The following WAPL variants were observed in gnomAD, a reference collection of about 807,000 sequenced individuals.
WAPL encodes wings apart-like protein homolog.
In WAPL, 5 loss-of-function variants were observed where a neutral mutation model predicts 121.0. The observed-to-expected ratio is 0.04, with a 90% CI of 0.02 to 0.09. The LOEUF (loss-of-function observed/expected upper bound fraction) is 0.09. Ranked by LOEUF, WAPL falls within the 10% of genes least tolerant of loss-of-function variation. WAPL has a pLI of 1.00. For synonymous variants in WAPL, 480 were observed against 481.5 expected (o/e 1.00, Z 0.04); for missense variants, 999 against 1,410.8 (o/e 0.71, Z 4.68).
intron 8 of WAPL, among the ~76,000 whole-genome samples, chr10:86,468,826 C>T (rs892642763): frequency 6.6e-6 from 1 of 151,890 alleles, no homozygotes; most frequent in African/African-American, 2.4e-5. Context: ...TTAGGCCGGG[C>T]GCAGTGGCTC....
At chr10:86,495,810 A>T (rs1842138396) in intron 4 of WAPL, among the ~76,000 whole-genome samples, 1 of 152,084 alleles carries the variant, frequency 6.6e-6, no homozygotes. Flanking sequence ...AAACAAAAAA[A>T]CTCAATTCAA....
intron 17 of WAPL, among the ~76,000 whole-genome samples, chr10:86,442,090 G>A (rs1177534669): frequency 6.6e-6 from 1 of 152,074 alleles, no homozygotes; most frequent in Non-Finnish European, 1.5e-5. Flanking sequence ...GCAGTGGCAC[G>A]ATCTTGGCTC....
chr10:86,455,312 G>A (rs1349921113), intron 12 of WAPL, among the ~76,000 whole-genome samples: 3 of 151,632 alleles, frequency 2.0e-5, no homozygotes, highest in Non-Finnish European at 2.9e-5. Flanking sequence ...GTAGACATAG[G>A]AGACTCCATT....
chr10:86,516,838 C>A (rs1235749166), intron 2 of WAPL, among the ~76,000 whole-genome samples: 3 of 152,084 alleles, frequency 2.0e-5, no homozygotes, highest in Non-Finnish European at 4.4e-5. Context: ...GTAATCCCAG[C>A]ACTTTGGGAG....
At chr10:86,443,598 T>C in intron 16 of WAPL, 1 of 447,478 alleles carries the variant, frequency 2.2e-6, no homozygotes, top group East Asian at 3.5e-5. Flanking sequence ...AAGGACACAA[T>C]TAACAAACTG....
rs1849292196 is a variant in WAPL at position 86,435,340 on chromosome 10, T to C, written c.*2203A>G. The C allele has an allele frequency of 6.6e-6, 1 of 152,634 alleles. No homozygotes were observed. Among genetic ancestry groups the C allele is most frequent in the Non-Finnish European group, 1.5e-5 (1 of 68,040 alleles). 9.5% of individuals were successfully genotyped at this position (152,634 alleles called of 1,614,324 possible). ...CTTCATGAAACTGGTACAAACTATT[T>C]TTTCCTGCCGTTGGCTTTTGCTCCA... is the stretch of plus-strand genomic sequence containing the variant. On this transcript the variant is annotated 3_prime_UTR_variant, in exon 19 of 19. Transcript: ENST00000298767.
chr10:86,485,296 A>G (rs1344183680), intron 4 of WAPL, among the ~76,000 whole-genome samples: 1 of 152,096 alleles, frequency 6.6e-6, no homozygotes, highest in Non-Finnish European at 1.5e-5. Context: ...TAATCCCAGC[A>G]CATTGGGAGG....
intron 3 of WAPL, among the ~76,000 whole-genome samples, chr10:86,498,172 T>C (rs1217494494): frequency 2.0e-5 from 3 of 152,210 alleles, no homozygotes; most frequent in Admixed American, 1.3e-4. Flanking sequence ...CAGCCACAGA[T>C]TCTCAATTGC....
intron 15 of WAPL, among the ~76,000 whole-genome samples, chr10:86,449,648 C>A (rs968644244): frequency 2.0e-5 from 3 of 152,202 alleles, no homozygotes; most frequent in Non-Finnish European, 4.4e-5. Context: ...TGCAAATGAA[C>A]CCCTATTATG....
rs749885852 is a variant in WAPL at position 86,460,402 on chromosome 10, T to G, written c.2577A>C (p.Glu859Asp). The change falls in exon 11 of 19, where the codon GAA becomes GAC. Residue 859 changes from glutamate (E) to aspartate (D), a missense_variant. By Grantham distance (45) the Glu-to-Asp change is conservative. Transcript: ENST00000298767. ...WGAERCLRVL[E>D]SVTVHNPENQ... is the part of the protein sequence containing the mutation. ...CCAAATAGTCATCCATACTTACACTTTCTAAAACTCGTAAACATCTCTCTG... is the reference window on the plus strand; with the variant it reads ...CCAAATAGTCATCCATACTTACACTGTCTAAAACTCGTAAACATCTCTCTG... The G allele has an allele frequency of 6.2e-7, 1 of 1,613,526 alleles. No individual in the cohort carries two copies. Among genetic ancestry groups the G allele is most frequent in the Non-Finnish European group, 8.5e-7 (1 of 1,179,850 alleles).
intron 9 of WAPL, among the ~76,000 whole-genome samples, chr10:86,461,827 C>T (rs1022082826): frequency 6.6e-6 from 1 of 152,134 alleles, no homozygotes; most frequent in Non-Finnish European, 1.5e-5. Context: ...TACTATGAGA[C>T]TCCTGTTCAT....
chr10:86,491,973 C>T (rs75234855), intron 4 of WAPL, among the ~76,000 whole-genome samples: 2,117 of 152,250 alleles, frequency 0.014, 28 homozygotes, highest in Non-Finnish European at 0.021. Context: ...ATTTATTCAT[C>T]CTATGTAACT....
chr10:86,453,957 T>C, intron 12 of WAPL, 126 bp from the exon 13 acceptor site: 1 of 822,654 alleles, frequency 1.2e-6, no homozygotes, highest in East Asian at 3.1e-5. Context: ...TCTGATACCT[T>C]AAAAAACTTA....
At chr10:86,485,427 C>T (rs746255354) in intron 4 of WAPL, among the ~76,000 whole-genome samples, 4 of 152,058 alleles carry the variant, frequency 2.6e-5, no homozygotes, top group Non-Finnish European at 4.4e-5. Flanking sequence ...GTCCCAGCTA[C>T]TCAAGAGGCT....
intron 4 of WAPL, among the ~76,000 whole-genome samples, chr10:86,482,375 A>G (rs1227951000): frequency 2.0e-5 from 3 of 152,218 alleles, no homozygotes; most frequent in Non-Finnish European, 4.4e-5. Flanking sequence ...GTGAAGGTAT[A>G]TTTGTATGTG....
At position 86,478,405 on chromosome 10, in the gene WAPL, C is replaced by G. The variant is rs566360567; in HGVS notation, c.1645-4432G>C. ...CAAGATCACACCACTGCACTCCAGC[C>G]TGGGTGACAGAGCGAGATCCTGTCT... On this transcript the variant is annotated intron_variant, in intron 4 of 18. Coordinates refer to ENST00000298767, the MANE Select transcript of WAPL (RefSeq NM_015045.5). Among the ~76,000 whole-genome samples the G allele has an allele frequency of 3.6e-3, 541 of 152,188 alleles. 3 individuals are homozygous for G. The highest frequency in any genetic ancestry group is 5.2e-3 in the Non-Finnish European group (354 of 68,004).
In WAPL at chr10:86,436,253, C is replaced by T. The variant is rs909485181; in HGVS notation, c.*1290G>A. 6.6e-6 allele frequency: 1 copy of T among 152,542 alleles called. No individual in the cohort carries two copies. Among genetic ancestry groups the T allele is most frequent in the Non-Finnish European group, 1.5e-5 (1 of 68,016 alleles). The allele number at this position is 152,542 out of a possible 1,614,324, so 9.4% of individuals were successfully genotyped here. ...TTTTAGCTATTTTCCCCAATACACA[C>T]CAAACTAATATTTTTATGGCTTCAA... is the stretch of plus-strand genomic sequence containing the variant. On this transcript the variant is annotated 3_prime_UTR_variant, in exon 19 of 19. Coordinates refer to ENST00000298767, the MANE Select transcript of WAPL (RefSeq NM_015045.5).
At chr10:86,487,678 CA>C (rs1374078623) in intron 4 of WAPL, among the ~76,000 whole-genome samples, 1 of 152,092 alleles carries the variant, frequency 6.6e-6, no homozygotes, top group Non-Finnish European at 1.5e-5. Flanking sequence ...ATCACGAGGT[CA>C]GGAGAGCAAG....
At chr10:86,509,007 T>C (rs913797588) in intron 2 of WAPL, among the ~76,000 whole-genome samples, 1 of 152,036 alleles carries the variant, frequency 6.6e-6, no homozygotes, top group Non-Finnish European at 1.5e-5. Flanking sequence ...CCTCCCAAAG[T>C]GCTGGGATTA....
Sources: allele counts gnomAD v4.1 joint callset (sites outside exome capture counted in the v4.1 genomes callset), GRCh38; gene constraint gnomAD v4.1.1; transcripts MANE v1.5; gene names NCBI Gene and HGNC (gene_info 2026-07-23, HGNC 2026-07-21).